The following CPNE8 variants were observed in gnomAD, a reference collection of about 807,000 sequenced individuals.
The protein encoded by CPNE8 is copine-8.
CPNE8 carries 45 observed loss-of-function variants against 81.5 expected under a neutral mutation model. The ratio of observed to expected loss-of-function variants is 0.55; its 90% confidence interval spans 0.44 to 0.71. The LOEUF (loss-of-function observed/expected upper bound fraction) is 0.71, where lower values mean the gene tolerates loss of function less well. Among genes scored for constraint, CPNE8 ranks in the 30% least tolerant of loss-of-function variants. The probability of loss-of-function intolerance (pLI) is 0.00; values close to 1 mark genes in which losing one functional copy is unlikely to be tolerated. For synonymous variants in CPNE8, 252 were observed against 226.3 expected (o/e 1.11, Z -1.02); for missense variants, 594 against 672.1 (o/e 0.88, Z 1.28).
At chr12:38,820,751 A>C (rs766070284) in intron 6 of CPNE8, among the ~76,000 whole-genome samples, 8 of 152,236 alleles carry the variant, frequency 5.3e-5, no homozygotes, top group Non-Finnish European at 1.2e-4. Flanking sequence ...AATATCTTGC[A>C]AATGTTGAAA....
At chr12:38,674,879 G>T (rs1252867934) in intron 18 of CPNE8, among the ~76,000 whole-genome samples, 1 of 152,180 alleles carries the variant, frequency 6.6e-6, no homozygotes, top group Non-Finnish European at 1.5e-5. Context: ...TACAAAGATT[G>T]TGTCAAACAT....
intron 3 of CPNE8, among the ~76,000 whole-genome samples, chr12:38,864,797 TAA>T (rs1943891534): frequency 6.6e-6 from 1 of 152,144 alleles, no homozygotes; most frequent in Non-Finnish European, 1.5e-5. Context: ...AAGATTTTCT[TAA>T]AGAGAACAAA....
chr12:38,658,287 A>C (rs1215777408), intron 19 of CPNE8, among the ~76,000 whole-genome samples: 1 of 152,200 alleles, frequency 6.6e-6, no homozygotes, highest in Non-Finnish European at 1.5e-5. Flanking sequence ...ATCAAGTAGA[A>C]GAAAGGATAT....
At position 38,806,518 on chromosome 12, in the gene CPNE8, T is replaced by C. The variant is rs2136974095; in HGVS notation, c.407+22861A>G. ...GACAAAAACCACATGATTATCTCAA[T>C]AAATGCAGAAAAGCCCTTTGACAAA... On this transcript the variant is annotated intron_variant, in intron 6 of 19. Coordinates refer to ENST00000331366, the MANE Select transcript of CPNE8 (RefSeq NM_153634.3). Among the ~76,000 whole-genome samples, 2 of 150,358 alleles carry C rather than the reference T, an allele frequency of 1.3e-5. 1 individual carries two copies. Among genetic ancestry groups the C allele is most frequent in the South Asian group, 4.3e-4 (2 of 4,654 alleles).
intron 6 of CPNE8, among the ~76,000 whole-genome samples, chr12:38,824,668 G>A (rs1237586496): frequency 6.6e-6 from 1 of 151,818 alleles, no homozygotes; most frequent in Non-Finnish European, 1.5e-5. Context: ...TAATAAATAA[G>A]AGGTACTTGG....
chr12:38,819,611 CA>C (rs373957452), intron 6 of CPNE8, among the ~76,000 whole-genome samples: 136 of 151,584 alleles, frequency 9.0e-4, no homozygotes, highest in African/African-American at 3.1e-3. Context: ...ACTAAAAATA[CA>C]AAAAATTAGC....
At chr12:38,802,186 C>A (rs1188312857) in intron 6 of CPNE8, among the ~76,000 whole-genome samples, 1 of 29,092 alleles carries the variant, frequency 3.4e-5, no homozygotes, top group African/African-American at 5.6e-5. Context: ...ACTCTCCACC[C>A]CAAATCAACA....
intron 6 of CPNE8, among the ~76,000 whole-genome samples, chr12:38,818,200 G>T (rs754976081): frequency 6.6e-6 from 1 of 151,934 alleles, no homozygotes; most frequent in Non-Finnish European, 1.5e-5. Flanking sequence ...TTTGTTACAC[G>T]GTGGTTTGCT....
chr12:38,840,739 A>G (rs571190208), intron 4 of CPNE8, among the ~76,000 whole-genome samples: 8 of 152,318 alleles, frequency 5.3e-5, no homozygotes, highest in Non-Finnish European at 1.0e-4. Context: ...ATATTTACAT[A>G]AGACTACCAT....
intron 1 of CPNE8, among the ~76,000 whole-genome samples, chr12:38,902,376 GAA>G (rs369811822): frequency 4.6e-4 from 37 of 80,324 alleles, no homozygotes; most frequent in East Asian, 7.0e-4. Flanking sequence ...AAGAAAGAAA[GAA>G]AGAAAAGAAA....
chr12:38,767,615 T>C lies in CPNE8; in HGVS notation c.575+20A>G. Reference sequence around the variant, plus strand: ...TATCATCATTACCATATAGTTGAAATGCATAAAAGATAAATCTACCTGCCA... The same window carrying C: ...TATCATCATTACCATATAGTTGAAACGCATAAAAGATAAATCTACCTGCCA... On this transcript the variant is annotated intron_variant, in intron 8 of 19. Coordinates refer to ENST00000331366, the MANE Select transcript of CPNE8 (RefSeq NM_153634.3). 1.2e-5 allele frequency: 16 copies of C among 1,390,980 alleles called. No individual in the cohort carries two copies. Among genetic ancestry groups the C allele is most frequent in the Non-Finnish European group, 1.6e-5 (16 of 1,019,724 alleles). The allele number at this position is 1,390,980 out of a possible 1,614,324, so 86.2% of individuals were successfully genotyped here.
In CPNE8 at chr12:38,783,255, T is replaced by C. The variant is rs548610517; in HGVS notation, c.408-6954A>G. 6.6e-5 allele frequency among the ~76,000 whole-genome samples: 10 copies of C among 152,224 alleles called. No homozygotes were observed. In the South Asian group the frequency reaches 1.2e-3, roughly 19 times the overall value. The stretch of plus-strand genomic sequence containing the variant: ...TGATCATCCCTCCTGCAAAGACAAC[T>C]ATCTATATTTTAACAACTATCTATA... On this transcript the variant is annotated intron_variant, in intron 6 of 19. Transcript: ENST00000331366.
At chr12:38,889,804 G>A (rs78731032) in intron 1 of CPNE8, among the ~76,000 whole-genome samples, 6,625 of 152,194 alleles carry the variant, frequency 0.044, 169 homozygotes, top group East Asian at 0.12. Flanking sequence ...TTAAAGAGAC[G>A]ATACGGAAGT....
At chr12:38,884,435 C>T (rs1057497933) in intron 1 of CPNE8, among the ~76,000 whole-genome samples, 3 of 152,056 alleles carry the variant, frequency 2.0e-5, no homozygotes, top group Non-Finnish European at 2.9e-5. Context: ...TTTGGTTCAT[C>T]GATTCATAGA....
At position 38,806,256 on chromosome 12, in the gene CPNE8, G is replaced by A. The variant is rs1365538468; in HGVS notation, c.407+23123C>T. ...GAATCCTCCCTAACTCATTTGATGA[G>A]GCCAGCATCATCCTGATACCAAAGC... On this transcript the variant is annotated intron_variant, in intron 6 of 19. Transcript: ENST00000331366. 1.3e-5 allele frequency among the ~76,000 whole-genome samples: 2 copies of A among 150,248 alleles called. 1 individual carries two copies. The highest frequency in any genetic ancestry group is 4.3e-4 in the South Asian group (2 of 4,614).
chr12:38,743,256 T>C (rs1163935029), intron 10 of CPNE8, among the ~76,000 whole-genome samples: 1 of 152,096 alleles, frequency 6.6e-6, no homozygotes, highest in Non-Finnish European at 1.5e-5. Flanking sequence ...AACCACTAAA[T>C]ATGAACATGA....
At chr12:38,855,010 C>G (rs1201306377) in intron 3 of CPNE8, among the ~76,000 whole-genome samples, 1 of 151,966 alleles carries the variant, frequency 6.6e-6, no homozygotes, top group Non-Finnish European at 1.5e-5. Context: ...GTTCTAGACT[C>G]CACCAATAAA....
At chr12:38,844,250 G>T (rs1054199745) in intron 4 of CPNE8, among the ~76,000 whole-genome samples, 1 of 151,958 alleles carries the variant, frequency 6.6e-6, no homozygotes, top group African/African-American at 2.4e-5. Flanking sequence ...ATGGAAAAAC[G>T]AATGAGAAGA....
intron 13 of CPNE8, among the ~76,000 whole-genome samples, chr12:38,710,105 AT>A (rs780603173): frequency 1.3e-5 from 2 of 151,850 alleles, no homozygotes; most frequent in African/African-American, 2.4e-5. Flanking sequence ...TGATTTCTAT[AT>A]TTTTTTCACA....
Sources: allele counts gnomAD v4.1 joint callset (sites outside exome capture counted in the v4.1 genomes callset), GRCh38; gene constraint gnomAD v4.1.1; transcripts MANE v1.5; gene names NCBI Gene and HGNC (gene_info 2026-07-23, HGNC 2026-07-21).